The following TBC1D2 variants were observed in gnomAD, a reference collection of about 807,000 sequenced individuals.
The protein encoded by TBC1D2 is TBC1 domain family member 2, also known as TBC1 domain family member 2A.
TBC1D2 carries 58 observed loss-of-function variants against 91.1 expected under a neutral mutation model. That is an observed-to-expected ratio of 0.64 (90% confidence interval 0.52 to 0.79). The LOEUF is 0.79. Among genes scored for constraint, TBC1D2 ranks in the 30% least tolerant of loss-of-function variants. TBC1D2 has a pLI of 0.00. For synonymous variants in TBC1D2, 482 were observed against 511.5 expected, an observed-to-expected ratio of 0.94 and a Z score of 0.78; for missense variants, 1,080 against 1,208.3, an observed-to-expected ratio of 0.89 and a Z score of 1.57.
chr9:98,201,814 AG>A, intron 10 of TBC1D2, 150 bp from the exon 11 acceptor site: 2 of 709,040 alleles, frequency 2.8e-6, no homozygotes, highest in South Asian at 2.0e-5. Context: ...TCGGGGAGCC[AG>A]GGGCCAGTCT....
At chr9:98,215,258 C>G (rs1828942668) in intron 6 of TBC1D2, among the ~76,000 whole-genome samples, 1 of 152,220 alleles carries the variant, frequency 6.6e-6, no homozygotes, top group Non-Finnish European at 1.5e-5. Context: ...ACTCCCCACT[C>G]TCTCTGGAGT....
chr9:98,229,925 A>C (rs978418365), intron 4 of TBC1D2, among the ~76,000 whole-genome samples: 1 of 152,222 alleles, frequency 6.6e-6, no homozygotes. Context: ...TGGCCCACAA[A>C]GCCTCGAATC....
intron 2 of TBC1D2, among the ~76,000 whole-genome samples, chr9:98,244,718 C>T (rs568748002): frequency 2.7e-5 from 4 of 148,746 alleles, no homozygotes; most frequent in Non-Finnish European, 4.5e-5. Flanking sequence ...TCTGAGAGTC[C>T]ATCCTAAAGA....
intron 3 of TBC1D2, among the ~76,000 whole-genome samples, chr9:98,233,833 C>T (rs2119142872): frequency 6.6e-6 from 1 of 152,310 alleles, no homozygotes; most frequent in Non-Finnish European, 1.5e-5. Flanking sequence ...ATATAAATGC[C>T]ATGAGGCGGA....
chr9:98,233,345 G>T, intron 4 of TBC1D2, 71 bp downstream of exon 4: 1 of 1,537,782 alleles, frequency 6.5e-7, no homozygotes, highest in South Asian at 1.3e-5. Flanking sequence ...TCGCTGGAAG[G>T]AAAGAAGGCA....
intron 7 of TBC1D2, among the ~76,000 whole-genome samples, chr9:98,211,932 G>A (rs904735920): frequency 5.3e-5 from 8 of 152,022 alleles, no homozygotes; most frequent in South Asian, 2.1e-4. Context: ...TGAGTAGCTG[G>A]GATTACAGGT....
At chr9:98,218,755 A>G (rs1206865016) in intron 6 of TBC1D2, among the ~76,000 whole-genome samples, 2 of 151,952 alleles carry the variant, frequency 1.3e-5, no homozygotes, top group African/African-American at 4.8e-5. Flanking sequence ...CAGTGGCACA[A>G]TCTCAGCTCA....
intron 3 of TBC1D2, among the ~76,000 whole-genome samples, chr9:98,241,726 C>T (rs1349559677): frequency 6.6e-6 from 1 of 152,182 alleles, no homozygotes; most frequent in Non-Finnish European, 1.5e-5. Context: ...CCTCTCTACC[C>T]CAGCATGCTC....
chr9:98,227,912 G>T (rs1829274621), intron 5 of TBC1D2, among the ~76,000 whole-genome samples: 1 of 152,202 alleles, frequency 6.6e-6, no homozygotes, highest in South Asian at 2.1e-4. Context: ...TAGGTATAGG[G>T]AGAGCATTTT....
chr9:98,237,344 CA>C (rs113459757), intron 3 of TBC1D2, among the ~76,000 whole-genome samples: 33,628 of 102,654 alleles, frequency 0.33, 3,711 homozygotes, highest in Middle Eastern at 0.38. Context: ...AAGACTGTCT[CA>C]AAAAAAAAAA....
chr9:98,221,255 T>C (rs2119084790), intron 5 of TBC1D2, 27 bp from the exon 6 acceptor site: 1 of 1,512,234 alleles, frequency 6.6e-7, no homozygotes, highest in Non-Finnish European at 8.9e-7. Flanking sequence ...AAGAATCTTG[T>C]GAGCTCAGGG....
rs756763928 is a variant in TBC1D2, at chr9:98,255,277, G to A, written c.265C>T (p.Pro89Ser). 1.2e-5 allele frequency: 20 copies of A among 1,614,124 alleles called. No individual in the cohort carries two copies. The highest frequency in any genetic ancestry group is 1.4e-5 in the Non-Finnish European group (17 of 1,180,058). The change falls in exon 1 of 13, where the codon CCC (proline) becomes TCC (serine). Residue 89 changes from proline (P) to serine (S), a missense_variant. By Grantham distance (74) the Pro-to-Ser change is moderately conservative. Transcript: ENST00000465784. ...CTGGAGAGGTCGATGCTGTCCAAGG[G>A]ATTGGCATCCTGAGCGGTCCGCGAG... The part of the protein sequence containing the change: ...YYSRTAQDAN[P>S]LDSIDLSSAV...
At chr9:98,211,650 C>A (rs1220879466) in intron 7 of TBC1D2, among the ~76,000 whole-genome samples, 5 of 152,136 alleles carry the variant, frequency 3.3e-5, no homozygotes, top group Non-Finnish European at 5.9e-5. Flanking sequence ...TTCTGTTGCA[C>A]CCTTGCCCGG....
intron 3 of TBC1D2, among the ~76,000 whole-genome samples, chr9:98,234,292 A>C (rs932917044): frequency 2.6e-5 from 4 of 152,112 alleles, no homozygotes; most frequent in Admixed American, 1.3e-4. Flanking sequence ...GGCTCAATAC[A>C]TGTTTGGTTT....
chr9:98,208,568 C>CG (rs59136023), intron 9 of TBC1D2, 100 bp downstream of exon 9: 729,455 of 1,269,884 alleles, frequency 0.57, 210,566 homozygotes, highest in African/African-American at 0.67. Context: ...TGTGCGGCCC[C>CG]TTAACAGGCC....
chr9:98,211,658 C>A (rs189761980), intron 7 of TBC1D2, among the ~76,000 whole-genome samples: 2 of 152,098 alleles, frequency 1.3e-5, no homozygotes, highest in East Asian at 3.8e-4. Flanking sequence ...CACCCTTGCC[C>A]GGTCGCCATC....
At chr9:98,208,199 A>G (rs1192102453) in intron 9 of TBC1D2, among the ~76,000 whole-genome samples, 1 of 152,086 alleles carries the variant, frequency 6.6e-6, no homozygotes, top group Non-Finnish European at 1.5e-5. Context: ...TCTGTCTTGA[A>G]CATGTCCTCT....
chr9:98,210,155 C>T (rs937339737), intron 8 of TBC1D2, among the ~76,000 whole-genome samples: 24 of 152,206 alleles, frequency 1.6e-4, no homozygotes, highest in African/African-American at 3.9e-4. Flanking sequence ...AGGCTGAGTA[C>T]GAGGCTCAGA....
chr9:98,215,804 C>G (rs1048793170), intron 6 of TBC1D2, among the ~76,000 whole-genome samples: 1 of 152,182 alleles, frequency 6.6e-6, no homozygotes, highest in African/African-American at 2.4e-5. Context: ...CTGTGCCTGG[C>G]CAGGACTGTC....
Sources: allele counts gnomAD v4.1 joint callset (sites outside exome capture counted in the v4.1 genomes callset), GRCh38; gene constraint gnomAD v4.1.1; transcripts MANE v1.5; gene names NCBI Gene and HGNC (gene_info 2026-07-23, HGNC 2026-07-21).